The following VWF variants were observed in gnomAD, a reference collection of about 807,000 sequenced individuals.
VWF encodes the protein von Willebrand factor.
In VWF, 176 loss-of-function variants were observed where a neutral mutation model predicts 308.6. The observed-to-expected ratio is 0.57, with a 90% CI of 0.50 to 0.65. VWF has a LOEUF of 0.65. VWF is among the 30% of genes least tolerant of loss of function. The probability of loss-of-function intolerance (pLI) is 0.00; values close to 1 mark genes in which losing one functional copy is unlikely to be tolerated. For missense variants in VWF, 3,146 were observed against 3,648.2 expected (o/e 0.86, Z 3.55); for synonymous variants, 1,385 against 1,443.4 (o/e 0.96, Z 0.92).
chr12:6,003,717 T>C lies in VWF; in HGVS notation c.5843-7495A>G, dbSNP rs755756734. ...GGAAGGGGGAAATGGGGTATCATTG[T>C]CTAATGAATAAAGCATTTCAGTTTC... On this transcript the variant is annotated intron_variant, in intron 34 of 51. Coordinates refer to ENST00000261405, the MANE Select transcript of VWF (RefSeq NM_000552.5). Among the ~76,000 whole-genome samples, 7 of 151,978 alleles carry C rather than the reference T, an allele frequency of 4.6e-5. No individual in the cohort carries two copies. In the South Asian group the frequency reaches 8.3e-4, roughly 18 times the overall value.
At chr12:5,955,374 C>G (rs927801109) in intron 47 of VWF, among the ~76,000 whole-genome samples, 4 of 151,970 alleles carry the variant, frequency 2.6e-5, no homozygotes, top group African/African-American at 7.3e-5. Context: ...CCACTCCCCC[C>G]ACCCCACACC....
intron 22 of VWF, among the ~76,000 whole-genome samples, chr12:6,027,937 G>A (rs543761597): frequency 6.6e-6 from 1 of 152,042 alleles, no homozygotes; most frequent in African/African-American, 2.4e-5. Flanking sequence ...CTAGGACCAC[G>A]TTTGACACAT....
intron 19 of VWF, 81 bp downstream of exon 19, chr12:6,036,307 G>T: frequency 7.9e-7 from 1 of 1,269,868 alleles, no homozygotes; most frequent in Non-Finnish European, 1.1e-6. Context: ...GGAGGCAAGT[G>T]CGGAAGGTCC....
chr12:6,016,043 TG>T (rs1944052584), intron 31 of VWF, 45 bp downstream of exon 31: 1 of 1,613,180 alleles, frequency 6.2e-7, no homozygotes, highest in East Asian at 2.2e-5. Context: ...CTATCATTTC[TG>T]AAGTCTCGCT....
intron 10 of VWF, among the ~76,000 whole-genome samples, chr12:6,067,669 C>T (rs1293863121): frequency 6.6e-6 from 1 of 152,078 alleles, no homozygotes; most frequent in Non-Finnish European, 1.5e-5. Context: ...ATGGGCCATG[C>T]GAACACGCTC....
rs146825813 is a variant in VWF, at chr12:6,113,795, C to T, written c.221-2827G>A. 2.6e-3 allele frequency among the ~76,000 whole-genome samples: 391 copies of T among 152,374 alleles called. 3 individuals are homozygous for T. The highest frequency in any genetic ancestry group is 9.1e-3 in the African/African-American group (378 of 41,594). On this transcript the variant is annotated intron_variant, in intron 3 of 51. Coordinates refer to ENST00000261405, the MANE Select transcript of VWF (RefSeq NM_000552.5). ...TCCCTTCCAGGGCCCTAGGCATTTG[C>T]ACTGGGCCCAAGACCAAATCCCTCC...
At chr12:6,118,855 AG>A (rs369564269) in intron 3 of VWF, among the ~76,000 whole-genome samples, 2 of 152,300 alleles carry the variant, frequency 1.3e-5, no homozygotes, top group African/African-American at 4.8e-5. Flanking sequence ...TCAGCTTCCC[AG>A]GGGCAGGGGT....
intron 31 of VWF, among the ~76,000 whole-genome samples, chr12:6,015,059 G>A (rs1326254549): frequency 6.6e-6 from 1 of 152,186 alleles, no homozygotes; most frequent in African/African-American, 2.4e-5. Context: ...TTTTCTATTA[G>A]CAGCTTTTCA....
intron 5 of VWF, among the ~76,000 whole-genome samples, chr12:6,109,606 T>C (rs1226348699): frequency 6.6e-6 from 1 of 152,216 alleles, no homozygotes; most frequent in African/African-American, 2.4e-5. Flanking sequence ...ACTAATTGAA[T>C]GTTTATGTAA....
At chr12:5,987,575 G>A (rs1943692924) in intron 38 of VWF, among the ~76,000 whole-genome samples, 1 of 152,326 alleles carries the variant, frequency 6.6e-6, no homozygotes, top group African/African-American at 2.4e-5. Flanking sequence ...TGACAGTCAG[G>A]TTGAGGAAAT....
At chr12:6,061,524 C>G (rs56253327) in intron 13 of VWF, among the ~76,000 whole-genome samples, 24,581 of 149,988 alleles carry the variant, frequency 0.16, 2,136 homozygotes, top group Non-Finnish European at 0.2. Flanking sequence ...AGCTCTAAGA[C>G]AGGAGAAAGA....
intron 40 of VWF, 56 bp from the exon 41 acceptor site, chr12:5,983,310 T>C: frequency 1.3e-6 from 2 of 1,531,694 alleles, no homozygotes; most frequent in South Asian, 2.3e-5. Context: ...ACTCTTTTAT[T>C]ACCTGTGAGT....
rs1031950771 is a variant in VWF, at chr12:6,058,991, T to C, written c.1534-947A>G. ...CATTACCAAGGTGGGATGACCTCCC[T>C]GCGTTCTGAATCCCTCAGGGGCTAG... is the stretch of plus-strand genomic sequence containing the variant. On this transcript the variant is annotated intron_variant, in intron 13 of 51. Transcript: ENST00000261405. The surrounding 1 kb of genome is among the most constrained non-coding windows in gnomAD (Gnocchi z 4.9). 3.9e-5 allele frequency among the ~76,000 whole-genome samples: 6 copies of C among 152,194 alleles called. No individual in the cohort carries two copies. Among genetic ancestry groups the C allele is most frequent in the African/African-American group, 1.4e-4 (6 of 41,452 alleles).
intron 6 of VWF, among the ~76,000 whole-genome samples, chr12:6,087,080 C>A (rs556729736): frequency 1.3e-5 from 2 of 152,172 alleles, no homozygotes; most frequent in South Asian, 2.1e-4. Flanking sequence ...CTAATAAACA[C>A]CAAATTCAGA....
chr12:6,087,434 C>A (rs1403165808), intron 6 of VWF, among the ~76,000 whole-genome samples: 1 of 146,974 alleles, frequency 6.8e-6, no homozygotes, highest in Non-Finnish European at 1.5e-5. Flanking sequence ...TCTCGGCTCA[C>A]TGCAAGCTTC....
chr12:5,992,063 A>G, intron 37 of VWF, 45 bp from the exon 38 acceptor site: 3 of 1,573,172 alleles, frequency 1.9e-6, no homozygotes, highest in Non-Finnish European at 2.6e-6. Flanking sequence ...CACACCAGCC[A>G]GAGTGAAATG....
rs1253310627 is a variant in VWF, at chr12:6,060,393, C to CTGCACCTCCTCT, written c.1534-2361_1534-2350dup. ...GGGAAGGAGACCGGGGGGCCCCTAG[C>CTGCACCTCCTCT]TGCACCTCCTCTTGCACCGCCTCTG... On this transcript the variant is annotated intron_variant, in intron 13 of 51. Coordinates refer to ENST00000261405, the MANE Select transcript of VWF (RefSeq NM_000552.5). The surrounding 1 kb of genome is among the most constrained non-coding windows in gnomAD (Gnocchi z 5.1). Among the ~76,000 whole-genome samples, 1 of 152,020 alleles carries CTGCACCTCCTCT rather than the reference C, an allele frequency of 6.6e-6. No homozygotes were observed. The highest frequency in any genetic ancestry group is 1.5e-5 in the Non-Finnish European group (1 of 67,990).
chr12:6,054,435 G>T (rs1944554228), intron 15 of VWF, among the ~76,000 whole-genome samples: 2 of 152,322 alleles, frequency 1.3e-5, no homozygotes, highest in South Asian at 4.1e-4. Flanking sequence ...TTAAAAAGCA[G>T]CTAGACTTGA....
chr12:6,112,793 G>C (rs1377301724), intron 3 of VWF, among the ~76,000 whole-genome samples: 1 of 151,484 alleles, frequency 6.6e-6, no homozygotes, highest in Non-Finnish European at 1.5e-5. Flanking sequence ...CTGAACTGAG[G>C]CTGCAGGAGG....
Sources: allele counts gnomAD v4.1 joint callset (sites outside exome capture counted in the v4.1 genomes callset), GRCh38; gene constraint gnomAD v4.1.1; non-coding constraint Gnocchi (gnomAD v3.1); transcripts MANE v1.5; gene names NCBI Gene and HGNC (gene_info 2026-07-23, HGNC 2026-07-21).